The following RIN2 variants were observed in gnomAD, a reference collection of about 807,000 sequenced individuals.
The protein encoded by RIN2 is Ras and Rab interactor 2.
Under a neutral mutation model 78.0 loss-of-function variants are expected in RIN2, and 36 were observed. The ratio of observed to expected loss-of-function variants is 0.46; its 90% CI spans 0.35 to 0.61. RIN2 has a LOEUF of 0.61. Ranked by LOEUF, RIN2 falls within the 20% of genes least tolerant of loss-of-function variation. RIN2 has a pLI of 0.00. For missense variants in RIN2, 1,087 were observed against 1,159.7 expected, an observed-to-expected ratio of 0.94 and a Z score of 0.91; for synonymous variants, 466 against 466.8, an observed-to-expected ratio of 1.00 and a Z score of 0.02.
At chr20:19,938,687 G>A (rs2040745699) in intron 4 of RIN2, among the ~76,000 whole-genome samples, 1 of 152,196 alleles carries the variant, frequency 6.6e-6, no homozygotes, top group East Asian at 1.9e-4. Flanking sequence ...TGAGTTAATA[G>A]CTGTCAAGGA....
At position 19,929,043 on chromosome 20, in the gene RIN2, G is replaced by A. The variant is rs577959630; in HGVS notation, c.58-6056G>A. Among the ~76,000 whole-genome samples, 15 of 152,322 alleles carry A rather than the reference G, an allele frequency of 9.8e-5. No individual in the cohort carries two copies. In the East Asian group the frequency reaches 2.1e-3, roughly 22 times the overall value. ...TGGGAATGATGCAGCTGTGCTGGGT[G>A]TTTGATGTAAGAACCATGGTCTCAC... On this transcript the variant is annotated intron_variant, in intron 3 of 12. Coordinates refer to ENST00000255006, the MANE Select transcript of RIN2 (RefSeq NM_018993.4).
intron 4 of RIN2, among the ~76,000 whole-genome samples, chr20:19,956,257 CAAAAA>C (rs11483774): frequency 4.1e-4 from 21 of 50,744 alleles, no homozygotes; most frequent in African/African-American, 7.0e-4. Context: ...GACTCCATCT[CAAAAA>C]AAAAAAAAAA....
intron 1 of RIN2, among the ~76,000 whole-genome samples, chr20:19,797,398 A>G (rs1268689918): frequency 6.6e-6 from 1 of 152,176 alleles, no homozygotes; most frequent in Admixed American, 6.5e-5. Context: ...ATAATTTACA[A>G]TTGTGCTTGG....
Position 19,975,264 on chromosome 20 carries a change from G to C in RIN2, c.1239G>C (p.Pro413=). The C allele has an allele frequency of 6.3e-7, 1 of 1,586,052 alleles. No homozygotes were observed. Among genetic ancestry groups the C allele is most frequent in the Middle Eastern group, 1.7e-4 (1 of 6,030 alleles). Residue 413 remains proline (P), a synonymous_variant, in exon 9 of 13, where the codon CCG becomes CCC. Transcript: ENST00000255006. This position sits in a 1 kb window ranked among gnomAD's most constrained non-coding sequence, Gnocchi z 4.9. ...AAPGDCTRAP[P]PSSESRPPCH... is the part of the protein sequence containing the mutation. Reference sequence around the variant, plus strand: ...CGGGGGATTGCACAAGGGCCCCGCCGCCCAGCTCTGAATCACGGCCCCCGT... The same window carrying C: ...CGGGGGATTGCACAAGGGCCCCGCCCCCCAGCTCTGAATCACGGCCCCCGT...
chr20:19,807,641 GA>G (rs2035448849), intron 2 of RIN2, among the ~76,000 whole-genome samples: 1 of 152,060 alleles, frequency 6.6e-6, no homozygotes, highest in Admixed American at 6.6e-5. Context: ...CAAATGATCA[GA>G]CTTGGATTCA....
chr20:19,868,922 A>G (rs140039753), intron 2 of RIN2, among the ~76,000 whole-genome samples: 173 of 152,138 alleles, frequency 1.1e-3, no homozygotes, highest in Admixed American at 0.01. Flanking sequence ...CTCTACTAAA[A>G]ATACAAAAAG....
chr20:19,975,174 C>G lies in RIN2; in HGVS notation c.1149C>G (p.Gly383=), dbSNP rs757032540. 1 of 1,610,492 alleles carries G rather than the reference C, an allele frequency of 6.2e-7. No homozygotes were observed. The highest frequency in any genetic ancestry group is 1.1e-5 in the South Asian group (1 of 90,902). ...AGACCTTGAGCGGCGGCCGGCCGGG[C>G]GCAGGCCCGGAGCTGGAGCTGGGCA... ...GAKTLSGGRP[G]AGPELELGTA... is the part of the protein sequence containing the mutation. Residue 383 remains glycine, a synonymous_variant, in exon 9 of 13, where the codon GGC becomes GGG. Transcript: ENST00000255006. This position sits in a 1 kb window ranked among gnomAD's most constrained non-coding sequence, Gnocchi z 4.9.
At chr20:19,862,441 A>G (rs551973644) in intron 2 of RIN2, among the ~76,000 whole-genome samples, 1 of 152,234 alleles carries the variant, frequency 6.6e-6, no homozygotes, top group African/African-American at 2.4e-5. Context: ...AAAATACAAA[A>G]AATTAGTCGG....
At chr20:19,776,614 C>T (rs932021442) in intron 1 of RIN2, among the ~76,000 whole-genome samples, 4 of 152,014 alleles carry the variant, frequency 2.6e-5, no homozygotes, top group African/African-American at 9.7e-5. Context: ...TGCCTGTAGT[C>T]CCAGCTACTC....
At chr20:19,798,007 A>G (rs1478857909) in intron 1 of RIN2, among the ~76,000 whole-genome samples, 1 of 151,476 alleles carries the variant, frequency 6.6e-6, no homozygotes, top group Non-Finnish European at 1.5e-5. Flanking sequence ...ACCTGCCACC[A>G]CGCCCGGCTA....
At chr20:19,957,005 A>G (rs370580945) in intron 5 of RIN2, among the ~76,000 whole-genome samples, 198 bp downstream of exon 5, 2 of 152,248 alleles carry the variant, frequency 1.3e-5, no homozygotes, top group East Asian at 1.9e-4. Flanking sequence ...TTCTGTCTTT[A>G]TCTGCTCAGT....
At chr20:19,834,908 C>T (rs78528431) in intron 2 of RIN2, among the ~76,000 whole-genome samples, 5,384 of 150,082 alleles carry the variant, frequency 0.036, 125 homozygotes, top group Middle Eastern at 0.058. Flanking sequence ...CAAGCCACTG[C>T]GCTCCAGCCA....
chr20:19,795,980 C>T (rs991830217), intron 1 of RIN2, among the ~76,000 whole-genome samples: 1 of 150,978 alleles, frequency 6.6e-6, no homozygotes, highest in Non-Finnish European at 1.5e-5. Flanking sequence ...TGCAGTGAGC[C>T]GAGGTTGCAC....
chr20:19,908,252 G>A (rs1164023737), intron 3 of RIN2, among the ~76,000 whole-genome samples: 2 of 152,162 alleles, frequency 1.3e-5, no homozygotes, highest in African/African-American at 2.4e-5. Context: ...AGCACTTTGG[G>A]AGGCCGAGGT....
chr20:19,873,705 G>A (rs1014981551), intron 2 of RIN2, among the ~76,000 whole-genome samples: 1 of 152,014 alleles, frequency 6.6e-6, no homozygotes, highest in Non-Finnish European at 1.5e-5. Context: ...AATATCCACA[G>A]GGCACTAATC....
Position 19,787,422 on chromosome 20 carries a change from T to TAA in RIN2, c.-162-12177_-162-12176dup, listed in dbSNP as rs541323014. ...TGGGCGACAGAGCAAGACTCCATCT[T>TAA]AAAAAAAAAAAAAAAAAAAAAAAAG... On this transcript the variant is annotated intron_variant, in intron 1 of 12. Coordinates refer to ENST00000255006, the MANE Select transcript of RIN2 (RefSeq NM_018993.4). 1.0e-3 allele frequency among the ~76,000 whole-genome samples: 89 copies of TAA among 85,842 alleles called. No individual in the cohort carries two copies. In the South Asian group the frequency reaches 0.013, roughly 13 times the overall value. 56.3% of individuals were successfully genotyped at this position (85,842 alleles called of 152,430 possible). A position where few individuals can be genotyped will look rare whatever the true frequency, so the allele number is the denominator to read the frequency against.
chr20:19,811,316 C>T (rs1308575046), intron 2 of RIN2, among the ~76,000 whole-genome samples: 7 of 152,174 alleles, frequency 4.6e-5, no homozygotes, highest in Non-Finnish European at 1.0e-4. Flanking sequence ...ACCTCACCTG[C>T]GAGTGGTTTT....
At chr20:19,993,036 A>G (rs1176561586) in intron 11 of RIN2, among the ~76,000 whole-genome samples, 4 of 152,158 alleles carry the variant, frequency 2.6e-5, no homozygotes, top group Non-Finnish European at 5.9e-5. Flanking sequence ...TAACCCCAAC[A>G]TGTCTTAGCA....
At chr20:19,834,752 C>A (rs2123029158) in intron 2 of RIN2, among the ~76,000 whole-genome samples, 1 of 152,232 alleles carries the variant, frequency 6.6e-6, no homozygotes, top group East Asian at 1.9e-4. Flanking sequence ...AATCTTCTGT[C>A]TTTTAAGTTG....
Sources: gnomAD v4.1 joint callset for allele counts (sites outside exome capture counted in the v4.1 genomes callset) on GRCh38, gnomAD v4.1.1 for gene constraint, Gnocchi (gnomAD v3.1) non-coding constraint, MANE v1.5 for transcripts, NCBI Gene and HGNC (gene_info 2026-07-23, HGNC 2026-07-21) for gene names.